Variants in SOX5 observed in about 807,000 individuals in gnomAD.
The protein encoded by SOX5 is transcription factor SOX-5.
A neutral mutation model predicts 92.0 loss-of-function variants in SOX5; 9 were observed. That is an observed-to-expected ratio of 0.10 (90% CI 0.06 to 0.17). The LOEUF is 0.17. SOX5 is among the 10% of genes least tolerant of loss of function. The probability of loss-of-function intolerance (pLI) is 1.00; values close to 1 mark genes in which losing one functional copy is unlikely to be tolerated. For synonymous variants in SOX5, 344 were observed against 336.3 expected, an observed-to-expected ratio of 1.02 and a Z score of -0.25; for missense variants, 642 against 944.5, an observed-to-expected ratio of 0.68 and a Z score of 4.20.
chr12:23,931,558 C>G (rs756644577), intron 1 of SOX5, among the ~76,000 whole-genome samples: 1 of 151,672 alleles, frequency 6.6e-6, no homozygotes, highest in Non-Finnish European at 1.5e-5. Flanking sequence ...GAAAATGTCA[C>G]TCCATAGATC....
chr12:23,586,443 TTAATC>T (rs1288849322), intron 9 of SOX5, among the ~76,000 whole-genome samples: 2 of 152,124 alleles, frequency 1.3e-5, no homozygotes, highest in African/African-American at 4.8e-5. Flanking sequence ...ATCATTATGA[TTAATC>T]TAAAACAATG....
intron 1 of SOX5, among the ~76,000 whole-genome samples, chr12:23,925,336 G>A (rs1483724821): frequency 3.3e-5 from 5 of 152,060 alleles, no homozygotes; most frequent in Non-Finnish European, 7.4e-5. Flanking sequence ...TAGTACATCA[G>A]TGTGATTTTT....
At chr12:23,867,396 T>C (rs1410356074) in intron 2 of SOX5, among the ~76,000 whole-genome samples, 1 of 152,172 alleles carries the variant, frequency 6.6e-6, no homozygotes, top group Non-Finnish European at 1.5e-5. Context: ...AATCACACTT[T>C]TGATCTTAGG....
chr12:24,461,148 G>C (rs1008417592), intron 1 of SOX5, among the ~76,000 whole-genome samples: 3 of 152,202 alleles, frequency 2.0e-5, no homozygotes, highest in Non-Finnish European at 4.4e-5. Context: ...GAAATTCTAT[G>C]TATGCTGAGT....
chr12:24,222,164 C>A (rs2728852), intron 3 of SOX5, among the ~76,000 whole-genome samples: 35,610 of 152,096 alleles, frequency 0.23, 4,892 homozygotes, highest in East Asian at 0.53. Flanking sequence ...TTTTCCCCCC[C>A]ACCACCAAGC....
At chr12:24,049,638 G>GTTTTTTTTTTT (rs527647441) in intron 4 of SOX5, among the ~76,000 whole-genome samples, 16 of 73,766 alleles carry the variant, frequency 2.2e-4, no homozygotes, top group African/African-American at 5.3e-4. Flanking sequence ...ATCCTTCATA[G>GTTTTTTTTTTT]TTTTTTTTTT....
chr12:24,273,640 T>C (rs1395783689), intron 3 of SOX5, among the ~76,000 whole-genome samples: 2 of 152,218 alleles, frequency 1.3e-5, no homozygotes, highest in African/African-American at 4.8e-5. Context: ...ATCGGTTTTT[T>C]GGCTTTCTTA....
intron 3 of SOX5, among the ~76,000 whole-genome samples, chr12:24,252,850 G>A (rs1414465613): frequency 3.3e-5 from 5 of 152,144 alleles, no homozygotes; most frequent in Non-Finnish European, 5.9e-5. Context: ...ATGGAAACAC[G>A]CTGGAGAGCC....
intron 9 of SOX5, among the ~76,000 whole-genome samples, chr12:23,586,097 C>A (rs1279078589): frequency 6.6e-6 from 1 of 152,128 alleles, no homozygotes; most frequent in Non-Finnish European, 1.5e-5. Context: ...CTCTCTCCCT[C>A]CTTTCTTTTG....
intron 9 of SOX5, among the ~76,000 whole-genome samples, chr12:23,580,525 A>G (rs555837292): frequency 6.6e-6 from 1 of 152,114 alleles, no homozygotes; most frequent in East Asian, 1.9e-4. Context: ...AGTGGTTTGG[A>G]CTATTCTTTT....
chr12:23,570,930 A>AAT (rs1164831816), intron 10 of SOX5, among the ~76,000 whole-genome samples: 3 of 19,938 alleles, frequency 1.5e-4, no homozygotes, highest in African/African-American at 6.0e-4. Context: ...AAAAAAAAAA[A>AAT]ATATATATAT....
intron 3 of SOX5, among the ~76,000 whole-genome samples, chr12:23,775,510 A>T (rs1594299791): frequency 6.6e-6 from 1 of 152,266 alleles, no homozygotes; most frequent in East Asian, 1.9e-4. Flanking sequence ...AACTGAGTGC[A>T]TATAATGCAA....
At chr12:23,787,139 A>G (rs2095394794) in intron 3 of SOX5, among the ~76,000 whole-genome samples, 1 of 151,804 alleles carries the variant, frequency 6.6e-6, no homozygotes, top group African/African-American at 2.4e-5. Flanking sequence ...CATAATTTCT[A>G]TACATCTTCA....
chr12:24,372,750 T>C (rs891080357), intron 1 of SOX5, among the ~76,000 whole-genome samples: 3 of 152,138 alleles, frequency 2.0e-5, no homozygotes, highest in Admixed American at 6.5e-5. Flanking sequence ...CCACCAACAA[T>C]GTAAAAGCAT....
chr12:24,549,793 G>C (rs971993191), intron 1 of SOX5, among the ~76,000 whole-genome samples: 4 of 152,118 alleles, frequency 2.6e-5, no homozygotes, highest in African/African-American at 9.7e-5. Context: ...TCCATGTGTG[G>C]TACCCAGGCA....
chr12:23,789,711 A>G (rs2095438406), intron 3 of SOX5, among the ~76,000 whole-genome samples: 1 of 152,148 alleles, frequency 6.6e-6, no homozygotes, highest in African/African-American at 2.4e-5. Flanking sequence ...CTCAATTTCA[A>G]GTTTTATAAG....
At chr12:23,826,787 T>G (rs1239551798) in intron 3 of SOX5, among the ~76,000 whole-genome samples, 1 of 152,148 alleles carries the variant, frequency 6.6e-6, no homozygotes. Flanking sequence ...TCCCAAGTCT[T>G]CCACATGACT....
chr12:24,068,702 GTGTATATATATATATA>G (rs1399528918), intron 4 of SOX5, among the ~76,000 whole-genome samples: 22 of 52,996 alleles, frequency 4.2e-4, no homozygotes, highest in African/African-American at 1.6e-3. Flanking sequence ...GTGTGTGTGT[GTGTATATATATATATA>G]TATATATATA....
intron 8 of SOX5, among the ~76,000 whole-genome samples, chr12:23,620,333 A>T (rs1309136864): frequency 6.6e-6 from 1 of 152,114 alleles, no homozygotes; most frequent in Non-Finnish European, 1.5e-5. Context: ...TTTCTACAAG[A>T]TTAGTCTAGA....
Sources: allele counts gnomAD v4.1 joint callset (sites outside exome capture counted in the v4.1 genomes callset), GRCh38; gene constraint gnomAD v4.1.1; transcripts MANE v1.5; gene names NCBI Gene and HGNC (gene_info 2026-07-23, HGNC 2026-07-21).